Variants in CLCN1 observed in about 807,000 individuals in gnomAD.
CLCN1 encodes the protein chloride voltage-gated channel 1.
CLCN1 carries 100 observed loss-of-function variants against 114.5 expected under a neutral mutation model. That is an observed-to-expected ratio of 0.87 (90% CI 0.74 to 1.03). The LOEUF is 1.03. Ranked by LOEUF, CLCN1 falls within the 50% of genes least tolerant of loss-of-function variation. The probability of loss-of-function intolerance (pLI) is 0.00; values close to 1 mark genes in which losing one functional copy is unlikely to be tolerated. For missense variants in CLCN1, 1,188 were observed against 1,250.0 expected (o/e 0.95, Z 0.75); for synonymous variants, 485 against 487.1 (o/e 1.00, Z 0.06).
chr7:143,335,923 G>A (rs1397699555), intron 12 of CLCN1, among the ~76,000 whole-genome samples: 1 of 152,036 alleles, frequency 6.6e-6, no homozygotes, highest in Non-Finnish European at 1.5e-5. Context: ...GCCTCCCAAA[G>A]TGCTGGGATT....
intron 1 of CLCN1, 73 bp from the exon 2 acceptor site, chr7:143,319,682 T>C (rs1232911915): frequency 6.7e-7 from 1 of 1,500,692 alleles, no homozygotes; most frequent in East Asian, 2.3e-5. Flanking sequence ...TCTGTGAGTC[T>C]GTCTGCTGGC....
In CLCN1 at chr7:143,326,070, G is replaced by A. The variant is rs184426030; in HGVS notation, c.853+1578G>A. On this transcript the variant is annotated intron_variant, in intron 7 of 22. Coordinates refer to ENST00000343257, the MANE Select transcript of CLCN1 (RefSeq NM_000083.3). ...CTTGCTCTGTCACCCAGGCTGGAGT[G>A]CAGTGGCACCATCTTGGCTCACTGC... 8.5e-5 allele frequency among the ~76,000 whole-genome samples: 13 copies of A among 152,210 alleles called. No individual in the cohort carries two copies. In the South Asian group the frequency reaches 1.9e-3, roughly 22 times the overall value.
At chr7:143,327,133 C>G (rs1197184705) in intron 7 of CLCN1, among the ~76,000 whole-genome samples, 1 of 151,916 alleles carries the variant, frequency 6.6e-6, no homozygotes, top group Non-Finnish European at 1.5e-5. Context: ...GTAGTCCCAG[C>G]TACTTGGGAG....
At chr7:143,347,065 A>G (rs942768066) in intron 20 of CLCN1, 116 bp downstream of exon 20, 2 of 938,974 alleles carry the variant, frequency 2.1e-6, no homozygotes, top group Non-Finnish European at 3.5e-6. Context: ...CTGGATGGGA[A>G]GTGTTTTGAG....
Position 143,335,678 on chromosome 7 carries a change from G to A in CLCN1, c.1401+2805G>A, listed in dbSNP as rs11430351. Among the ~76,000 whole-genome samples the A allele has an allele frequency of 2.3e-4, 17 of 72,902 alleles. 1 individual carries two copies. The highest frequency in any genetic ancestry group is 8.5e-5 in the Non-Finnish European group (3 of 35,458). 47.8% of individuals were successfully genotyped at this position (72,902 alleles called of 152,430 possible). On this transcript the variant is annotated intron_variant, in intron 12 of 22. Coordinates refer to ENST00000343257, the MANE Select transcript of CLCN1 (RefSeq NM_000083.3). ...GCTGTTTTGTTTTTTTTTTTTTTTT[G>A]ATTCGGAATCTCACTCTGTAGCCCA...
chr7:143,320,329 T>C (rs1358700584), intron 2 of CLCN1, among the ~76,000 whole-genome samples: 1 of 152,174 alleles, frequency 6.6e-6, no homozygotes, highest in Non-Finnish European at 1.5e-5. Context: ...ACTTTGCCTA[T>C]TCCCTGTTAT....
At position 143,345,568 on chromosome 7, in the gene CLCN1, C is replaced by CTCCTGCAGCGCCACCTGTG; in HGVS notation, c.1984_2002dup (p.Glu668AlafsTer7). ...GGTGGAGCGGTCGGAACTGCAGGCC[C>CTCCTGCAGCGCCACCTGTG]TCCTGCAGCGCCACCTGTGTCCTGA... On this transcript the variant is annotated frameshift_variant, in exon 17 of 23. Transcript: ENST00000343257. LOFTEE classifies it high-confidence loss of function. The CTCCTGCAGCGCCACCTGTG allele has an allele frequency of 6.5e-7, 1 of 1,547,212 alleles. No individual in the cohort carries two copies. The highest frequency in any genetic ancestry group is 8.7e-7 in the Non-Finnish European group (1 of 1,144,486).
At chr7:143,331,022 C>G (rs1385186901) in intron 8 of CLCN1, 125 bp downstream of exon 8, 3 of 1,367,998 alleles carry the variant, frequency 2.2e-6, no homozygotes. Flanking sequence ...GGGGTGGGAC[C>G]AAGGCCCAAG....
chr7:143,329,134 A>C (rs973548730), intron 7 of CLCN1, among the ~76,000 whole-genome samples: 2 of 151,652 alleles, frequency 1.3e-5, no homozygotes, highest in Non-Finnish European at 2.9e-5. Flanking sequence ...CGCCTGACTA[A>C]TTTTTGTATT....
intron 6 of CLCN1, chr7:143,323,718 C>T (rs1176475328): frequency 3.9e-6 from 2 of 516,106 alleles, no homozygotes; most frequent in South Asian, 3.1e-5. Flanking sequence ...TCGTGTGCTC[C>T]CCCATCCCTT....
In CLCN1 at chr7:143,342,112, A is replaced by G. The variant is rs1346607954; in HGVS notation, c.1766A>G (p.Tyr589Cys). ...DSIIQVKKLP[Y>C]LPDLGWNQLS... Reference sequence around the variant, plus strand: ...ATCATCCAGGTCAAGAAGCTACCCTACTTGCCTGACCTTGGCTGGAACCAG... The same window carrying G: ...ATCATCCAGGTCAAGAAGCTACCCTGCTTGCCTGACCTTGGCTGGAACCAG... The change falls in exon 15 of 23, where the codon TAC becomes TGC. Residue 589 changes from tyrosine to cysteine, a missense_variant. Coordinates refer to ENST00000343257, the MANE Select transcript of CLCN1 (RefSeq NM_000083.3). The G allele has an allele frequency of 6.2e-7, 1 of 1,614,168 alleles. No individual in the cohort carries two copies. Among genetic ancestry groups the G allele is most frequent in the East Asian group, 2.2e-5 (1 of 44,886 alleles).
chr7:143,330,870 G>A lies in CLCN1; in HGVS notation c.952G>A (p.Val318Met). Residue 318 changes from valine (V) to methionine (M), a missense_variant, in exon 8 of 23, where the codon GTG becomes ATG. Val to Met is a conservative substitution (Grantham distance 21). Coordinates refer to ENST00000343257, the MANE Select transcript of CLCN1 (RefSeq NM_000083.3). ...AATFSAFVFR[V>M]LAVWNKDAVT... ...CACGTTCAGCGCCTTTGTGTTTCGAGTGCTGGCAGTGTGGAACAAGGATGC... is the reference window on the plus strand; with the variant it reads ...CACGTTCAGCGCCTTTGTGTTTCGAATGCTGGCAGTGTGGAACAAGGATGC... 6.2e-7 allele frequency: 1 copy of A among 1,614,228 alleles called. No individual in the cohort carries two copies. Among genetic ancestry groups the A allele is most frequent in the Non-Finnish European group, 8.5e-7 (1 of 1,180,050 alleles).
intron 12 of CLCN1, among the ~76,000 whole-genome samples, chr7:143,338,091 A>C (rs1802961676): frequency 6.6e-6 from 1 of 151,876 alleles, no homozygotes; most frequent in African/African-American, 2.4e-5. Flanking sequence ...TGATCTGCCC[A>C]CCTCTGCCTT....
At chr7:143,341,571 T>TTAA (rs5888095) in intron 14 of CLCN1, among the ~76,000 whole-genome samples, 24 of 146,378 alleles carry the variant, frequency 1.6e-4, no homozygotes, top group African/African-American at 2.7e-4. Context: ...ATAATAATAA[T>TTAA]TAATAATAAT....
chr7:143,322,835 T>C (rs1009015424), intron 5 of CLCN1, among the ~76,000 whole-genome samples: 3 of 152,260 alleles, frequency 2.0e-5, no homozygotes, highest in East Asian at 3.9e-4. Context: ...CAGAACTTCT[T>C]GCGTGGCCTT....
chr7:143,319,623 C>T, intron 1 of CLCN1, 132 bp from the exon 2 acceptor site: 1 of 906,206 alleles, frequency 1.1e-6, no homozygotes, highest in Non-Finnish European at 1.8e-6. Context: ...CACAAAGTCA[C>T]CCTGCATGCA....
chr7:143,337,354 C>T (rs935478133), intron 12 of CLCN1, among the ~76,000 whole-genome samples: 1 of 152,174 alleles, frequency 6.6e-6, no homozygotes, highest in Non-Finnish European at 1.5e-5. Context: ...CTATTCTCTT[C>T]ATTTTGCCCA....
At chr7:143,317,244 CTTTT>C (rs1207676166) in intron 1 of CLCN1, among the ~76,000 whole-genome samples, 1 of 113,762 alleles carries the variant, frequency 8.8e-6, no homozygotes, top group Admixed American at 9.4e-5. Flanking sequence ...TTGGCCAGAA[CTTTT>C]TTTTTTTTTT....
Position 143,320,683 on chromosome 7 carries a change from A to G in CLCN1, c.321A>G (p.Gly107=). 6.2e-7 allele frequency: 1 copy of G among 1,612,918 alleles called. No homozygotes were observed. Among genetic ancestry groups the G allele is most frequent in the South Asian group, 1.1e-5 (1 of 91,040 alleles). The change falls in exon 3 of 23, where the codon GGA becomes GGG. Residue 107 remains glycine (G), a synonymous_variant. Transcript: ENST00000343257. ...SKCQDCIHRL[G]QVVRRKLGED... ...TCCTAGATTGTATCCACCGCCTGGGACAGGTGGTGAGAAGAAAATTAGGGG... is the reference window on the plus strand; with the variant it reads ...TCCTAGATTGTATCCACCGCCTGGGGCAGGTGGTGAGAAGAAAATTAGGGG...
Sources: gnomAD v4.1 joint callset for allele counts (sites outside exome capture counted in the v4.1 genomes callset) on GRCh38, gnomAD v4.1.1 for gene constraint, MANE v1.5 for transcripts, NCBI Gene and HGNC (gene_info 2026-07-23, HGNC 2026-07-21) for gene names.